Variants in SPOCK3 observed in about 807,000 individuals in gnomAD.
The protein encoded by SPOCK3 is testican-3.
A neutral mutation model predicts 56.6 loss-of-function variants in SPOCK3; 30 were observed. The ratio of observed to expected loss-of-function variants is 0.53; its 90% CI spans 0.40 to 0.72. The LOEUF (loss-of-function observed/expected upper bound fraction) is 0.72. Ranked by LOEUF, SPOCK3 falls within the 30% of genes least tolerant of loss-of-function variation. The pLI is 0.00. For missense variants in SPOCK3, 527 were observed against 530.0 expected (o/e 0.99, Z 0.06); for synonymous variants, 196 against 183.3 (o/e 1.07, Z -0.56).
intron 4 of SPOCK3, 53 bp from the exon 5 acceptor site, chr4:166,912,796 T>C (rs574258137): frequency 6.8e-7 from 1 of 1,475,174 alleles, no homozygotes; most frequent in African/African-American, 1.4e-5. Context: ...AAAATATACA[T>C]TTATATTAGC....
At chr4:167,013,745 A>T (rs946455340) in intron 3 of SPOCK3, among the ~76,000 whole-genome samples, 11 of 151,964 alleles carry the variant, frequency 7.2e-5, no homozygotes, top group Non-Finnish European at 5.9e-5. Context: ...CCCTACTAAT[A>T]TGGCGATTTT....
intron 2 of SPOCK3, among the ~76,000 whole-genome samples, chr4:167,097,107 T>C (rs1393062428): frequency 6.6e-6 from 1 of 151,834 alleles, no homozygotes; most frequent in Non-Finnish European, 1.5e-5. Flanking sequence ...AGTTAGCATG[T>C]CATGTGTTTT....
At chr4:167,010,869 C>A (rs935603949) in intron 3 of SPOCK3, among the ~76,000 whole-genome samples, 1 of 151,912 alleles carries the variant, frequency 6.6e-6, no homozygotes, top group Non-Finnish European at 1.5e-5. Context: ...GTGAGGAAGT[C>A]GAATGTCAAA....
intron 6 of SPOCK3, among the ~76,000 whole-genome samples, chr4:166,822,049 A>C (rs564613135): frequency 6.6e-6 from 1 of 152,136 alleles, no homozygotes; most frequent in East Asian, 1.9e-4. Context: ...ATATTCTGGA[A>C]ATATTTCTGT....
intron 6 of SPOCK3, among the ~76,000 whole-genome samples, chr4:166,836,080 T>C (rs1375984016): frequency 6.6e-6 from 1 of 152,218 alleles, no homozygotes; most frequent in East Asian, 1.9e-4. Context: ...TGTATTGTTA[T>C]GTTAACAATA....
intron 6 of SPOCK3, among the ~76,000 whole-genome samples, chr4:166,837,742 CTTTT>C (rs2126815887): frequency 6.6e-6 from 1 of 152,198 alleles, no homozygotes; most frequent in South Asian, 2.1e-4. Flanking sequence ...ATTTTATTGA[CTTTT>C]ACTTTTTTGT....
At chr4:167,018,667 G>GT (rs1750880457) in intron 3 of SPOCK3, among the ~76,000 whole-genome samples, 1 of 151,966 alleles carries the variant, frequency 6.6e-6, no homozygotes, top group Non-Finnish European at 1.5e-5. Context: ...CCTCTGGCTA[G>GT]TCAATTTTTA....
chr4:167,030,464 G>A (rs755692945), intron 3 of SPOCK3, among the ~76,000 whole-genome samples: 1 of 151,936 alleles, frequency 6.6e-6, no homozygotes, highest in Non-Finnish European at 1.5e-5. Context: ...TTGACTTCTT[G>A]TTTACCTCAA....
chr4:166,937,898 G>T (rs1427145471), intron 4 of SPOCK3, among the ~76,000 whole-genome samples: 1 of 149,548 alleles, frequency 6.7e-6, no homozygotes, highest in Admixed American at 6.7e-5. Context: ...CGAGTAGCTG[G>T]GACTACAGGC....
intron 4 of SPOCK3, among the ~76,000 whole-genome samples, chr4:166,986,043 C>G (rs201799451): frequency 6.6e-6 from 1 of 152,116 alleles, no homozygotes; most frequent in Non-Finnish European, 1.5e-5. Flanking sequence ...AAACTTAACT[C>G]TTCTAAATTT....
At chr4:166,796,903 T>A (rs17052616) in intron 6 of SPOCK3, among the ~76,000 whole-genome samples, 1 of 152,106 alleles carries the variant, frequency 6.6e-6, no homozygotes, top group African/African-American at 2.4e-5. Flanking sequence ...TTGGCTCCAA[T>A]GTGATTATTT....
intron 2 of SPOCK3, among the ~76,000 whole-genome samples, chr4:167,210,472 C>A (rs1182654583): frequency 6.6e-6 from 1 of 152,112 alleles, no homozygotes; most frequent in East Asian, 1.9e-4. Flanking sequence ...GGGTAGTGGG[C>A]TAAAAGTGGC....
chr4:167,154,879 G>C (rs1171790045), intron 2 of SPOCK3, among the ~76,000 whole-genome samples: 1 of 152,072 alleles, frequency 6.6e-6, no homozygotes, highest in Non-Finnish European at 1.5e-5. Flanking sequence ...TAGCAAAGTA[G>C]TGACAATAAT....
At chr4:167,074,393 A>T (rs1756981107) in intron 2 of SPOCK3, among the ~76,000 whole-genome samples, 1 of 151,778 alleles carries the variant, frequency 6.6e-6, no homozygotes, top group South Asian at 2.1e-4. Flanking sequence ...TACTCTTCTG[A>T]AGTCTTGACC....
At chr4:166,777,211 T>A (rs761137303) in intron 7 of SPOCK3, among the ~76,000 whole-genome samples, 6 of 152,146 alleles carry the variant, frequency 3.9e-5, no homozygotes, top group Admixed American at 2.6e-4. Context: ...TCTATCTCAA[T>A]CTAAGTTATT....
At chr4:166,786,509 AAG>A (rs1740743786) in intron 7 of SPOCK3, among the ~76,000 whole-genome samples, 1 of 152,152 alleles carries the variant, frequency 6.6e-6, no homozygotes, top group African/African-American at 2.4e-5. Context: ...GATTAGGAAA[AAG>A]AGAAAAAAAT....
At position 166,735,162 on chromosome 4, in the gene SPOCK3, T is replaced by C. The variant is rs537305730; in HGVS notation, c.1133-72A>G. ...GTCAATTTCTGCAAGATAAAATCCT[T>C]ATAAAAATTAAGAATATTTTTTAGA... On this transcript the variant is annotated intron_variant, in intron 10 of 10. Coordinates refer to ENST00000357545, the MANE Select transcript of SPOCK3 (RefSeq NM_001040159.2). The C allele has an allele frequency of 3.4e-6, 3 of 886,994 alleles. No individual in the cohort carries two copies. The East Asian group carries it at 8.4e-5, about 25-fold the overall frequency. 54.9% of individuals were successfully genotyped at this position (886,994 alleles called of 1,614,324 possible). A position where few individuals can be genotyped will look rare whatever the true frequency, so the allele number is the denominator to read the frequency against.
At chr4:166,888,463 TG>T (rs1436916241) in intron 6 of SPOCK3, among the ~76,000 whole-genome samples, 2 of 152,046 alleles carry the variant, frequency 1.3e-5, no homozygotes, top group Non-Finnish European at 2.9e-5. Flanking sequence ...CTAGCAGCCA[TG>T]GAGACTTTTT....
intron 3 of SPOCK3, among the ~76,000 whole-genome samples, chr4:167,021,027 T>G (rs1479174833): frequency 3.3e-5 from 5 of 152,046 alleles, no homozygotes; most frequent in Non-Finnish European, 7.4e-5. Flanking sequence ...AGAATGAAAT[T>G]GAAGAAGCAC....
Sources: gnomAD v4.1 joint callset for allele counts (sites outside exome capture counted in the v4.1 genomes callset) on GRCh38, gnomAD v4.1.1 for gene constraint, MANE v1.5 for transcripts, NCBI Gene and HGNC (gene_info 2026-07-23, HGNC 2026-07-21) for gene names.